Variants in TAFA1 observed in about 807,000 individuals in gnomAD.
TAFA1 encodes the protein TAFA chemokine like family member 1, also known as chemokine-like protein TAFA-1.
A neutral mutation model predicts 18.5 loss-of-function variants in TAFA1; 4 were observed. The ratio of observed to expected loss-of-function variants is 0.22; its 90% confidence interval spans 0.11 to 0.49. TAFA1 has a LOEUF of 0.49. TAFA1 is among the 20% of genes least tolerant of loss of function. TAFA1 has a pLI of 0.98. For missense variants in TAFA1, 147 were observed against 169.0 expected, an observed-to-expected ratio of 0.87 and a Z score of 0.72; for synonymous variants, 56 against 55.2, an observed-to-expected ratio of 1.01 and a Z score of -0.06.
chr3:68,145,060 G>A (rs1209940084), intron 2 of TAFA1: 1 of 1,603,230 alleles, frequency 6.2e-7, no homozygotes. Flanking sequence ...TGCTGGATCA[G>A]TGCGAGAACC....
At chr3:68,505,832 A>G (rs761608855) in intron 3 of TAFA1, among the ~76,000 whole-genome samples, 9 of 152,018 alleles carry the variant, frequency 5.9e-5, no homozygotes, top group Admixed American at 1.3e-4. Flanking sequence ...AGTCTTATAC[A>G]ATAAAACAAT....
intron 2 of TAFA1, among the ~76,000 whole-genome samples, chr3:68,110,524 T>C (rs2106835346): frequency 6.6e-6 from 1 of 152,306 alleles, no homozygotes; most frequent in East Asian, 1.9e-4. Flanking sequence ...TCAAATAGTA[T>C]TTCTGCCTCT....
At chr3:68,093,507 T>C (rs1171376955) in intron 2 of TAFA1, among the ~76,000 whole-genome samples, 1 of 152,140 alleles carries the variant, frequency 6.6e-6, no homozygotes, top group East Asian at 1.9e-4. Flanking sequence ...CAGAAACTTT[T>C]AGATCTTTCT....
chr3:68,464,078 A>C (rs1575891178), intron 3 of TAFA1, among the ~76,000 whole-genome samples: 1 of 152,300 alleles, frequency 6.6e-6, no homozygotes, highest in African/African-American at 2.4e-5. Flanking sequence ...ACAAAGGAAC[A>C]TTGATTTTAT....
chr3:68,311,105 A>G (rs1306854596), intron 2 of TAFA1, among the ~76,000 whole-genome samples: 2 of 152,162 alleles, frequency 1.3e-5, no homozygotes, highest in Non-Finnish European at 2.9e-5. Flanking sequence ...GGAGACTCCC[A>G]TTTTTAAAAC....
chr3:68,269,128 G>A (rs867540787), intron 2 of TAFA1, among the ~76,000 whole-genome samples: 4 of 152,022 alleles, frequency 2.6e-5, no homozygotes, highest in Non-Finnish European at 5.9e-5. Flanking sequence ...AAATTGTAAT[G>A]TGCATATAGA....
chr3:68,316,546 A>G (rs2068608340), intron 2 of TAFA1, among the ~76,000 whole-genome samples: 5 of 152,128 alleles, frequency 3.3e-5, no homozygotes, highest in Admixed American at 2.6e-4. Flanking sequence ...TTTTCTTGGC[A>G]TCTCCTTTCA....
At chr3:68,372,173 G>A (rs1379969773) in intron 2 of TAFA1, among the ~76,000 whole-genome samples, 1 of 152,168 alleles carries the variant, frequency 6.6e-6, no homozygotes, top group Non-Finnish European at 1.5e-5. Context: ...TTGAAAATAA[G>A]TGAACAAAGA....
intron 2 of TAFA1, among the ~76,000 whole-genome samples, chr3:68,120,739 A>C (rs1475900615): frequency 6.6e-6 from 1 of 152,190 alleles, no homozygotes; most frequent in African/African-American, 2.4e-5. Flanking sequence ...AAGTTTATGG[A>C]AGAAGCATGT....
At chr3:68,078,972 G>A (rs964416022) in intron 2 of TAFA1, among the ~76,000 whole-genome samples, 6 of 152,190 alleles carry the variant, frequency 3.9e-5, no homozygotes, top group East Asian at 1.9e-4. Flanking sequence ...GCTATTGATT[G>A]TTGCCACAAT....
upstream of TAFA1, among the ~76,000 whole-genome samples, chr3:68,003,704 A>G (rs1300659932): frequency 1.3e-5 from 2 of 152,186 alleles, no homozygotes; most frequent in Non-Finnish European, 2.9e-5. Context: ...TTTGAAGGAG[A>G]GGAAAAATTT....
chr3:68,240,211 C>G (rs910958228), intron 2 of TAFA1, among the ~76,000 whole-genome samples: 1 of 152,128 alleles, frequency 6.6e-6, no homozygotes, highest in African/African-American at 2.4e-5. Flanking sequence ...CCAACTATAC[C>G]ACTCCACTTC....
chr3:68,255,755 T>C lies in TAFA1; in HGVS notation c.119-161525T>C, dbSNP rs556097368. On this transcript the variant is annotated intron_variant, in intron 2 of 4. Coordinates refer to ENST00000478136, the MANE Select transcript of TAFA1 (RefSeq NM_213609.4). ...CTAGGCTTCTTAGGATTTTCTGTCT[T>C]CTGAAGATATTGACTAAAGTGTCCA... 4.5e-3 allele frequency among the ~76,000 whole-genome samples: 686 copies of C among 152,208 alleles called. 4 individuals carry two copies. The highest frequency in any genetic ancestry group is 0.024 in the Middle Eastern group (7 of 294).
In TAFA1 at chr3:68,452,241, G is replaced by A. The variant is rs1471955335; in HGVS notation, c.259+34821G>A. ...CACTGTACTTTTATTAGAACATGTC[G>A]GCTGGGCGCCGTGGCTCACATCTGT... On this transcript the variant is annotated intron_variant, in intron 3 of 4. Transcript: ENST00000478136. Among the ~76,000 whole-genome samples the A allele has an allele frequency of 2.6e-5, 4 of 152,206 alleles. No homozygotes were observed. The East Asian group carries it at 5.8e-4, about 22-fold the overall frequency.
chr3:68,061,042 TTCTC>T (rs2064596203), intron 2 of TAFA1, among the ~76,000 whole-genome samples: 1 of 152,168 alleles, frequency 6.6e-6, no homozygotes, highest in Non-Finnish European at 1.5e-5. Flanking sequence ...CTGGATCTCT[TTCTC>T]AGCTTTGTTT....
At chr3:68,237,562 A>G (rs2066943480) in intron 2 of TAFA1, among the ~76,000 whole-genome samples, 2 of 152,186 alleles carry the variant, frequency 1.3e-5, no homozygotes, top group Admixed American at 6.5e-5. Context: ...GTTTTCATGA[A>G]TTTAACTCCT....
intron 2 of TAFA1, among the ~76,000 whole-genome samples, chr3:68,392,291 A>G (rs1369111165): frequency 2.6e-5 from 4 of 152,136 alleles, no homozygotes; most frequent in Non-Finnish European, 5.9e-5. Flanking sequence ...GTAAAGGATT[A>G]ATGCAACAAG....
chr3:68,450,094 G>T (rs1039918691), intron 3 of TAFA1, among the ~76,000 whole-genome samples: 11 of 152,130 alleles, frequency 7.2e-5, no homozygotes, highest in Non-Finnish European at 1.6e-4. Context: ...ATAAGAGTGG[G>T]AGTTAAAATT....
chr3:68,145,442 G>A, intron 2 of TAFA1: 2 of 864,964 alleles, frequency 2.3e-6, no homozygotes, highest in South Asian at 2.6e-5. Context: ...GGCTGTGAAA[G>A]GCTTATTAGA....
Sources: gnomAD v4.1 joint callset for allele counts (sites outside exome capture counted in the v4.1 genomes callset) on GRCh38, gnomAD v4.1.1 for gene constraint, MANE v1.5 for transcripts, NCBI Gene and HGNC (gene_info 2026-07-23, HGNC 2026-07-21) for gene names.